The following PTPRU variants were observed in gnomAD, a reference collection of about 807,000 sequenced individuals.
PTPRU encodes protein tyrosine phosphatase receptor type U, also known as receptor-type tyrosine-protein phosphatase U.
Under a neutral mutation model 166.3 loss-of-function variants are expected in PTPRU, and 69 were observed. That is an observed-to-expected ratio of 0.41 (90% CI 0.34 to 0.51). The LOEUF (loss-of-function observed/expected upper bound fraction) is 0.51. Among genes scored for constraint, PTPRU ranks in the 20% least tolerant of loss-of-function variants. PTPRU has a pLI of 0.09. For missense variants in PTPRU, 1,657 were observed against 2,013.7 expected, an observed-to-expected ratio of 0.82 and a Z score of 3.39; for synonymous variants, 793 against 814.0, an observed-to-expected ratio of 0.97 and a Z score of 0.44.
In PTPRU at chr1:29,296,679, G is replaced by GT. The variant is rs60675448; in HGVS notation, c.2476+4667dup. On this transcript the variant is annotated intron_variant, in intron 15 of 29. Transcript: ENST00000373779. ...GCCCACTGTCATGCCTTGCTACTTT[G>GT]TTTTTTTTTTTTTTGTATTTTTTGT... Among the ~76,000 whole-genome samples the GT allele has an allele frequency of 3.0e-3, 408 of 135,764 alleles. 2 individuals carry two copies. Among genetic ancestry groups the GT allele is most frequent in the South Asian group, 0.024 (105 of 4,330 alleles). 89.1% of individuals were successfully genotyped at this position (135,764 alleles called of 152,430 possible). A position where few individuals can be genotyped will look rare whatever the true frequency, so the allele number is the denominator to read the frequency against.
At position 29,320,449 on chromosome 1, in the gene PTPRU, T is replaced by G. The variant is rs1015503572; in HGVS notation, c.3688-236T>G. ...CCCTCGCCATACCTTTGGAAACTTT[T>G]GCTGTTTAGTTCTGGGGGGTCATGG... On this transcript the variant is annotated intron_variant, in intron 25 of 29. Transcript: ENST00000373779. This position sits in a 1 kb window ranked among gnomAD's most constrained non-coding sequence, Gnocchi z 5.2. 5 of 401,822 alleles carry G rather than the reference T, an allele frequency of 1.2e-5. No individual in the cohort carries two copies. Among genetic ancestry groups the G allele is most frequent in the Non-Finnish European group, 2.2e-5 (5 of 229,654 alleles). The allele number at this position is 401,822 out of a possible 1,614,324, so 24.9% of individuals were successfully genotyped here.
chr1:29,266,010 G>GTTTTTTTT (rs34163524), intron 7 of PTPRU, among the ~76,000 whole-genome samples: 20 of 79,228 alleles, frequency 2.5e-4, no homozygotes, highest in African/African-American at 8.4e-4. Flanking sequence ...TTTCTCCTGG[G>GTTTTTTTT]TTTTTTTTTT....
chr1:29,293,573 C>T (rs777134024), intron 15 of PTPRU, among the ~76,000 whole-genome samples: 57 of 150,598 alleles, frequency 3.8e-4, no homozygotes, highest in Non-Finnish European at 7.1e-4. Context: ...CTCCCGCATT[C>T]ATGCCATTCT....
chr1:29,268,621 T>C (rs1161636770), intron 7 of PTPRU, among the ~76,000 whole-genome samples: 2 of 152,208 alleles, frequency 1.3e-5, no homozygotes, highest in Non-Finnish European at 2.9e-5. Flanking sequence ...GTGTTTTGGG[T>C]TAAATGCAGA....
chr1:29,312,421 A>G (rs764542333), intron 21 of PTPRU, 131 bp from the exon 22 acceptor site: 44 of 880,544 alleles, frequency 5.0e-5, no homozygotes, highest in Non-Finnish European at 6.9e-5. Flanking sequence ...CTACTTCATC[A>G]GTAAATTGAT....
intron 5 of PTPRU, 37 bp downstream of exon 5, chr1:29,259,601 G>A: frequency 4.0e-6 from 6 of 1,489,792 alleles, no homozygotes; most frequent in Non-Finnish European, 3.7e-6. Flanking sequence ...GGGGCGGGGT[G>A]GGAGGGGGTT....
intron 7 of PTPRU, among the ~76,000 whole-genome samples, chr1:29,274,253 C>T (rs1169032871): frequency 6.6e-6 from 1 of 151,724 alleles, no homozygotes; most frequent in African/African-American, 2.4e-5. Flanking sequence ...ATTGGCCAGG[C>T]TGGGCTTGAA....
Position 29,312,528 on chromosome 1 carries a change from T to G in PTPRU, c.3073-24T>G, listed in dbSNP as rs1473481578. 1.9e-6 allele frequency: 3 copies of G among 1,565,268 alleles called. No individual in the cohort carries two copies. In the African/African-American group the frequency reaches 4.1e-5, roughly 21 times the overall value. ...TGACAGATGCTGCCAGGGACTCTGA[T>G]TATTATTCCCATTGTCTCCCCAGAG... On this transcript the variant is annotated intron_variant, in intron 21 of 29. Transcript: ENST00000373779.
chr1:29,310,857 G>T, intron 19 of PTPRU, 77 bp downstream of exon 19: 1 of 1,506,398 alleles, frequency 6.6e-7, no homozygotes, highest in Non-Finnish European at 9.2e-7. Flanking sequence ...TTGCCTTTCT[G>T]CCTCCCCTGC....
Position 29,255,303 on chromosome 1 carries a change from C to T in PTPRU, c.102C>T (p.Asp34=), listed in dbSNP as rs748891901. ...GCTGCACCTTCGAGGAGGCAAGTGA[C>T]CCAGCAGTGCCCTGCGAGTACAGCC... is the stretch of plus-strand genomic sequence containing the variant. The part of the protein sequence containing the change: ...AAGCTFEEAS[D]PAVPCEYSQA... Residue 34 remains aspartate (D), a synonymous_variant, in exon 2 of 30, where the codon GAC becomes GAT. Coordinates refer to ENST00000373779, the MANE Select transcript of PTPRU (RefSeq NM_133178.4). 3.1e-6 allele frequency: 5 copies of T among 1,613,928 alleles called. No homozygotes were observed. Among genetic ancestry groups the T allele is most frequent in the African/African-American group, 1.3e-5 (1 of 75,038 alleles).
intron 18 of PTPRU, among the ~76,000 whole-genome samples, chr1:29,308,284 CTTTTT>C (rs567805935): frequency 7.3e-6 from 1 of 136,168 alleles, no homozygotes. Context: ...TAATTTTTTC[CTTTTT>C]TTTTTTTTTT....
intron 1 of PTPRU, among the ~76,000 whole-genome samples, chr1:29,247,573 G>A (rs76940079): frequency 1.3e-5 from 2 of 152,186 alleles, no homozygotes; most frequent in African/African-American, 2.4e-5. Context: ...CTCTGTCTTC[G>A]TATGTCGCAG....
chr1:29,291,967 T>A lies in PTPRU; in HGVS notation c.2417T>A (p.Leu806Gln). The change falls in exon 15 of 30, where the codon CTG becomes CAG. Residue 806 changes from leucine (L) to glutamine (Q), a missense_variant. Leu to Gln is a moderately radical substitution (Grantham distance 113). Around this residue, in one of 3 missense-constraint regions of PTPRU, gnomAD observed 1,190 missense variants for 1,477.4 expected, o/e 0.81. Coordinates refer to ENST00000373779, the MANE Select transcript of PTPRU (RefSeq NM_133178.4). The surrounding 1 kb of genome is among the most constrained non-coding windows in gnomAD (Gnocchi z 4.1). ...CGCAGCTTCACAGACCAGAGCACCC[T>A]GCAGGAGGACGAGCGGCTGGGCCTG... ...VDRSFTDQSTLQEDERLGLSF... is the reference protein window; with the variant it reads ...VDRSFTDQSTQQEDERLGLSF... 6.2e-7 allele frequency: 1 copy of A among 1,614,180 alleles called. No homozygotes were observed. The highest frequency in any genetic ancestry group is 8.5e-7 in the Non-Finnish European group (1 of 1,180,022).
At position 29,305,760 on chromosome 1, in the gene PTPRU, G is replaced by C. The variant is rs556237317; in HGVS notation, c.2820+332G>C. Among the ~76,000 whole-genome samples the C allele has an allele frequency of 2.6e-5, 4 of 152,306 alleles. No homozygotes were observed. The East Asian group carries it at 7.7e-4, about 29-fold the overall frequency. On this transcript the variant is annotated intron_variant, in intron 18 of 29. Coordinates refer to ENST00000373779, the MANE Select transcript of PTPRU (RefSeq NM_133178.4). ...TCATCGTGCACCATGAGGCTGAAGA[G>C]GTAGGCAGGGGCTGGATTGTGAAGA...
intron 7 of PTPRU, among the ~76,000 whole-genome samples, chr1:29,265,265 T>G (rs931564341): frequency 1.3e-5 from 2 of 152,226 alleles, no homozygotes; most frequent in African/African-American, 2.4e-5. Context: ...GTGTTGTCAC[T>G]ATTTTTTATT....
chr1:29,301,126 A>G (rs1687113775), intron 15 of PTPRU, among the ~76,000 whole-genome samples: 1 of 152,098 alleles, frequency 6.6e-6, no homozygotes, highest in African/African-American at 2.4e-5. Context: ...CTGGGCAGAG[A>G]TTGGCTTGAA....
intron 14 of PTPRU, among the ~76,000 whole-genome samples, chr1:29,286,737 A>G (rs1049446391): frequency 6.6e-6 from 1 of 152,062 alleles, no homozygotes; most frequent in Non-Finnish European, 1.5e-5. Context: ...AGCCCTGCAA[A>G]GAGAGCACTG....
Position 29,279,550 on chromosome 1 carries a change from T to C in PTPRU, c.1658T>C (p.Val553Ala). The stretch of plus-strand genomic sequence containing the variant: ...AAGCTCCGCAATGAGACCTACCATG[T>C]CTTCTCCAACCTGCACCCAGGCACC... ...ISKLRNETYH[V>A]FSNLHPGTTY... Residue 553 changes from valine (V) to alanine (A), a missense_variant, in exon 10 of 30, where the codon GTC becomes GCC. This residue lies in a region of PTPRU where 1,190 missense variants were observed against 1,477.4 expected (regional missense o/e 0.81). Transcript: ENST00000373779. The surrounding 1 kb of genome is among the most constrained non-coding windows in gnomAD (Gnocchi z 5.2). 6.2e-7 allele frequency: 1 copy of C among 1,614,106 alleles called. No individual in the cohort carries two copies. The highest frequency in any genetic ancestry group is 8.5e-7 in the Non-Finnish European group (1 of 1,180,012).
chr1:29,266,613 C>T (rs774313551), intron 7 of PTPRU, among the ~76,000 whole-genome samples: 3 of 152,162 alleles, frequency 2.0e-5, no homozygotes, highest in Non-Finnish European at 4.4e-5. Context: ...TTCTGAGCTT[C>T]AGTCCCCCTG....
Sources: allele counts gnomAD v4.1 joint callset (sites outside exome capture counted in the v4.1 genomes callset), GRCh38; gene constraint gnomAD v4.1.1; regional missense constraint gnomAD v4.1.1; non-coding constraint Gnocchi (gnomAD v3.1); transcripts MANE v1.5; gene names NCBI Gene and HGNC (gene_info 2026-07-23, HGNC 2026-07-21).